The following CNKSR2 variants were observed in gnomAD, a reference collection of about 807,000 sequenced individuals.
CNKSR2 encodes the protein CNK homolog protein 2.
A neutral mutation model predicts 84.4 loss-of-function variants in CNKSR2; 14 were observed. The ratio of observed to expected loss-of-function variants is 0.17; its 90% CI spans 0.11 to 0.26. The LOEUF is 0.26. Among genes scored for constraint, CNKSR2 ranks in the 10% least tolerant of loss-of-function variants. The pLI is 1.00. For missense variants in CNKSR2, 485 were observed against 771.2 expected, an observed-to-expected ratio of 0.63 and a Z score of 4.40; for synonymous variants, 275 against 277.9, an observed-to-expected ratio of 0.99 and a Z score of 0.10.
Position 21,438,633 on chromosome X carries a change from ACTTT to A in CNKSR2, c.432-2058_432-2055del, listed in dbSNP as rs781537153. 6.3e-5 allele frequency among the ~76,000 whole-genome samples: 7 copies of A among 111,648 alleles called. No individual in the cohort carries two copies. In the East Asian group the frequency reaches 8.4e-4, roughly 13 times the overall value. ...AAAAATGATTTCTAGATGTGGAAAG[ACTTT>A]CTAAGTATTTTTAAAATGGAATAAA... is the stretch of plus-strand genomic sequence containing the variant. On this transcript the variant is annotated intron_variant, in intron 3 of 21. Coordinates refer to ENST00000379510, the MANE Select transcript of CNKSR2 (RefSeq NM_014927.5).
chrX:21,434,860 T>C (rs768518602), intron 3 of CNKSR2, among the ~76,000 whole-genome samples: 23 of 108,903 alleles, frequency 2.1e-4, no homozygotes, highest in South Asian at 1.2e-3. Flanking sequence ...TATACATAAG[T>C]ATATATACTC....
intron 1 of CNKSR2, 80 bp downstream of exon 1, chrX:21,375,041 G>T: frequency 1.2e-6 from 1 of 814,383 alleles, no homozygotes. Context: ...CGCCCGCCGC[G>T]CCAGAGCCCG....
chrX:21,615,048 A>G (rs1036030816), intron 20 of CNKSR2, among the ~76,000 whole-genome samples: 1 of 112,367 alleles, frequency 8.9e-6, no homozygotes, highest in African/African-American at 3.2e-5. Context: ...ATGGAATGAT[A>G]TGAACAGTTT....
At chrX:21,411,726 T>G (rs948851416) in intron 1 of CNKSR2, among the ~76,000 whole-genome samples, 3 of 111,181 alleles carry the variant, frequency 2.7e-5, no homozygotes, top group Non-Finnish European at 5.7e-5. Context: ...TCTGACATGG[T>G]CAAATCACCA....
chrX:21,503,008 C>T (rs144305831), intron 8 of CNKSR2, among the ~76,000 whole-genome samples: 338 of 111,268 alleles, frequency 3.0e-3, no homozygotes, highest in Non-Finnish European at 3.1e-3. Flanking sequence ...CCTTAACAAA[C>T]ATGACATCTG....
intron 9 of CNKSR2, among the ~76,000 whole-genome samples, chrX:21,520,519 T>G (rs1227439558): frequency 7.3e-5 from 8 of 110,181 alleles, no homozygotes; most frequent in Middle Eastern, 4.7e-3. Context: ...TCAAGGTATA[T>G]TTTTAGATGT....
Position 21,497,803 on chromosome X carries a change from C to A in CNKSR2, c.698C>A (p.Ser233Tyr). Residue 233 changes from serine to tyrosine, a missense_variant, in exon 7 of 22, where the codon TCT (serine) becomes TAT (tyrosine). Physicochemically the swap from Ser to Tyr is moderately radical, Grantham distance 144. Coordinates refer to ENST00000379510, the MANE Select transcript of CNKSR2 (RefSeq NM_014927.5). ...TTTTCTTAGGGTATGTATATTAAAT[C>A]TACATATGATGGCCTCCATGTAATT... ...PSEGLGMYIKSTYDGLHVITG... is the reference protein window; with the variant it reads ...PSEGLGMYIKYTYDGLHVITG... 1 of 935,851 alleles carries A rather than the reference C, an allele frequency of 1.1e-6. No homozygotes were observed. The highest frequency in any genetic ancestry group is 1.5e-6 in the Non-Finnish European group (1 of 645,311). 77.1% of individuals were successfully genotyped at this position (935,851 alleles called of 1,213,427 possible).
chrX:21,573,723 C>T (rs1309012347), intron 13 of CNKSR2, among the ~76,000 whole-genome samples: 1 of 111,174 alleles, frequency 9.0e-6, no homozygotes, highest in Admixed American at 9.6e-5. Context: ...GGATCCTGGA[C>T]CTGGCCCACA....
At chrX:21,381,522 A>G (rs964231624) in intron 1 of CNKSR2, among the ~76,000 whole-genome samples, 1 of 112,615 alleles carries the variant, frequency 8.9e-6, no homozygotes, top group African/African-American at 3.2e-5. Flanking sequence ...ACCTGCAGTC[A>G]GGATGAATTC....
chrX:21,508,844 T>C (rs927112362), intron 8 of CNKSR2, among the ~76,000 whole-genome samples: 2 of 112,323 alleles, frequency 1.8e-5, no homozygotes, highest in Non-Finnish European at 1.9e-5. Context: ...TAAAACTATG[T>C]GGGTGATTCA....
In CNKSR2 at chrX:21,374,670, C is replaced by T; in HGVS notation, c.-228C>T. 2.0e-6 allele frequency: 1 copy of T among 511,679 alleles called. No homozygotes were observed. Among genetic ancestry groups the T allele is most frequent in the Non-Finnish European group, 3.5e-6 (1 of 287,958 alleles). 42.2% of individuals were successfully genotyped at this position (511,679 alleles called of 1,213,427 possible). A position where few individuals can be genotyped will look rare whatever the true frequency, so the allele number is the denominator to read the frequency against. On this transcript the variant is annotated 5_prime_UTR_variant, in exon 1 of 22. Coordinates refer to ENST00000379510, the MANE Select transcript of CNKSR2 (RefSeq NM_014927.5). The stretch of plus-strand genomic sequence containing the variant: ...CGCCTTAGCGGGAACTGAGCAGACC[C>T]GGCGCGGAGCCACGACTCCTGCACG...
At chrX:21,628,807 A>G (rs1184406325) in intron 20 of CNKSR2, among the ~76,000 whole-genome samples, 1 of 112,154 alleles carries the variant, frequency 8.9e-6, no homozygotes, top group East Asian at 2.8e-4. Flanking sequence ...GGTCTCTGAC[A>G]TACCCTGGAG....
intron 18 of CNKSR2, among the ~76,000 whole-genome samples, chrX:21,603,738 A>G (rs1001412920): frequency 8.9e-6 from 1 of 112,582 alleles, no homozygotes; most frequent in African/African-American, 3.2e-5. Context: ...GCTTCAAGAC[A>G]GACATTCATG....
chrX:21,390,997 T>C (rs768790845), intron 1 of CNKSR2, among the ~76,000 whole-genome samples: 1 of 112,164 alleles, frequency 8.9e-6, no homozygotes, highest in Admixed American at 9.4e-5. Flanking sequence ...TTAAATCTTA[T>C]AGCTCCGTAA....
chrX:21,644,096 C>G (rs1013477061), intron 20 of CNKSR2: 1 of 111,643 alleles, frequency 9.0e-6, no homozygotes, highest in Non-Finnish European at 1.9e-5. Flanking sequence ...CCTTTTGTGA[C>G]AAGAATAGTG....
intron 13 of CNKSR2, among the ~76,000 whole-genome samples, chrX:21,589,327 A>G (rs890971173): frequency 1.8e-5 from 2 of 112,355 alleles, no homozygotes; most frequent in Non-Finnish European, 3.8e-5. Flanking sequence ...GTAGAATATT[A>G]TTTAATGAGC....
chrX:21,588,522 C>G (rs767805148), intron 13 of CNKSR2, among the ~76,000 whole-genome samples: 1 of 112,126 alleles, frequency 8.9e-6, no homozygotes, highest in Admixed American at 9.5e-5. Flanking sequence ...TAAAAGACAT[C>G]TAAGGCTTTG....
intron 1 of CNKSR2, among the ~76,000 whole-genome samples, chrX:21,413,162 A>G (rs2090368778): frequency 9.0e-6 from 1 of 111,468 alleles, no homozygotes; most frequent in African/African-American, 3.3e-5. Flanking sequence ...GGAATCATAC[A>G]GTATCTGTCC....
At chrX:21,635,121 T>A (rs1472223173) in intron 20 of CNKSR2, among the ~76,000 whole-genome samples, 2 of 108,654 alleles carry the variant, frequency 1.8e-5, no homozygotes, top group East Asian at 5.9e-4. Context: ...ATAGTTCTGC[T>A]TGTGTGTGGG....
Sources: gnomAD v4.1 joint callset for allele counts (sites outside exome capture counted in the v4.1 genomes callset) on GRCh38, gnomAD v4.1.1 for gene constraint, MANE v1.5 for transcripts, NCBI Gene and HGNC (gene_info 2026-07-23, HGNC 2026-07-21) for gene names.